The following ZBTB41 variants were observed in gnomAD, a reference collection of about 807,000 sequenced individuals.
ZBTB41 encodes zinc finger and BTB domain-containing protein 41.
A neutral mutation model predicts 87.6 loss-of-function variants in ZBTB41; 42 were observed. The observed-to-expected ratio is 0.48, with a 90% CI of 0.37 to 0.62. The LOEUF (loss-of-function observed/expected upper bound fraction) is 0.62, where lower values mean the gene tolerates loss of function less well. Among genes scored for constraint, ZBTB41 ranks in the 20% least tolerant of loss-of-function variants. The probability of loss-of-function intolerance (pLI) is 0.00; values close to 1 mark genes in which losing one functional copy is unlikely to be tolerated. For synonymous variants in ZBTB41, 364 were observed against 364.0 expected, an observed-to-expected ratio of 1.00 and a Z score of 0.00; for missense variants, 799 against 1,078.9, an observed-to-expected ratio of 0.74 and a Z score of 3.63.
intron 8 of ZBTB41, 142 bp downstream of exon 8, chr1:197,176,422 T>C: frequency 3.5e-6 from 2 of 570,986 alleles, no homozygotes; most frequent in Non-Finnish European, 6.1e-6. Context: ...TTAAAAAATG[T>C]TTTCAGAACC....
In ZBTB41 at chr1:197,200,585, C is replaced by G; in HGVS notation, c.-112G>C. On this transcript the variant is annotated 5_prime_UTR_variant, in exon 2 of 11. It removes an upstream start codon present in the reference 5' UTR. Coordinates refer to ENST00000367405, the MANE Select transcript of ZBTB41 (RefSeq NM_194314.3). ...TCTGAAGGGGCGTGCCCAAGGGTTTCATGGTCTGCAAAAGAGTGAGAACCA... is the reference window on the plus strand; with the variant it reads ...TCTGAAGGGGCGTGCCCAAGGGTTTGATGGTCTGCAAAAGAGTGAGAACCA... The G allele has an allele frequency of 9.4e-7, 1 of 1,064,040 alleles. No individual in the cohort carries two copies. The highest frequency in any genetic ancestry group is 1.6e-5 in the African/African-American group (1 of 63,176). 65.9% of individuals were successfully genotyped at this position (1,064,040 alleles called of 1,614,324 possible).
In ZBTB41 at chr1:197,175,472, A is replaced by G. The variant is rs373243818; in HGVS notation, c.1880-357T>C. Among the ~76,000 whole-genome samples the G allele has an allele frequency of 4.1e-5, 5 of 123,074 alleles. No homozygotes were observed. The East Asian group carries it at 1.0e-3, about 25-fold the overall frequency. The allele number at this position is 123,074 out of a possible 152,430, so 80.7% of individuals were successfully genotyped here. ...TATGTCTGTATATCAAACACCTCAA[A>G]TTGATATACATTAAATTAAGATGAG... is the stretch of plus-strand genomic sequence containing the variant. On this transcript the variant is annotated intron_variant, in intron 8 of 10. Coordinates refer to ENST00000367405, the MANE Select transcript of ZBTB41 (RefSeq NM_194314.3).
intron 5 of ZBTB41, among the ~76,000 whole-genome samples, chr1:197,183,636 C>T (rs780360898): frequency 6.6e-6 from 1 of 152,154 alleles, no homozygotes; most frequent in South Asian, 2.1e-4. Flanking sequence ...TTTAATTTGG[C>T]AGAAATAGTA....
At chr1:197,186,627 C>T (rs1052323618) in intron 5 of ZBTB41, among the ~76,000 whole-genome samples, 1 of 152,100 alleles carries the variant, frequency 6.6e-6, no homozygotes, top group Non-Finnish European at 1.5e-5. Flanking sequence ...TTTGGGAGGC[C>T]GAGGTGGGTG....
rs1379807022 is a variant in ZBTB41, at chr1:197,159,160, C to A, written c.*199G>T. On this transcript the variant is annotated 3_prime_UTR_variant, in exon 11 of 11. Transcript: ENST00000367405. ...TCTTTAAAAATCACAAAAATGTGCA[C>A]TTCAAATATTATGCCAGAAATTTTG... The A allele has an allele frequency of 4.9e-5, 27 of 554,854 alleles. No homozygotes were observed. The Admixed American group carries it at 9.2e-4, about 19-fold the overall frequency. The allele number at this position is 554,854 out of a possible 1,614,324, so 34.4% of individuals were successfully genotyped here.
intron 10 of ZBTB41, among the ~76,000 whole-genome samples, chr1:197,170,633 A>G (rs1345032005): frequency 6.6e-6 from 1 of 152,106 alleles, no homozygotes; most frequent in Non-Finnish European, 1.5e-5. Flanking sequence ...CATGGTGACC[A>G]TTTCTTGCAA....
Position 197,159,944 on chromosome 1 carries a change from C to G in ZBTB41, c.2145G>C (p.Leu715=). ...AAGGTCGGGCATCAGAATGAATAAC[C>G]AGGTGTTTTGTTAATGTTTTCTTAA... is the stretch of plus-strand genomic sequence containing the variant. ...FRIKKTLTKH[L]VIHSDARPFN... is the part of the protein sequence containing the mutation. The change falls in exon 11 of 11, where the codon CTG becomes CTC. Residue 715 remains leucine (L), a synonymous_variant. Coordinates refer to ENST00000367405, the MANE Select transcript of ZBTB41 (RefSeq NM_194314.3). The G allele has an allele frequency of 1.2e-6, 2 of 1,613,690 alleles. No individual in the cohort carries two copies. The highest frequency in any genetic ancestry group is 1.7e-6 in the Non-Finnish European group (2 of 1,179,792).
chr1:197,162,864 G>C (rs1417929942), intron 10 of ZBTB41, among the ~76,000 whole-genome samples: 1 of 152,176 alleles, frequency 6.6e-6, no homozygotes, highest in Non-Finnish European at 1.5e-5. Context: ...ATAAAAGTTG[G>C]AGTTTGGGAC....
At chr1:197,162,222 T>C (rs1659219916) in intron 10 of ZBTB41, among the ~76,000 whole-genome samples, 3 of 152,266 alleles carry the variant, frequency 2.0e-5, no homozygotes, top group East Asian at 1.9e-4. Flanking sequence ...AGCAAACTTA[T>C]AGTGCTTAAA....
intron 10 of ZBTB41, among the ~76,000 whole-genome samples, chr1:197,166,467 T>C (rs1433118462): frequency 6.6e-6 from 1 of 152,086 alleles, no homozygotes; most frequent in Non-Finnish European, 1.5e-5. Flanking sequence ...ATTAACAGAA[T>C]ACCTTTAAAG....
chr1:197,159,782 C>T lies in ZBTB41; in HGVS notation c.2307G>A (p.Glu769=), dbSNP rs779691117. 2.5e-6 allele frequency: 4 copies of T among 1,614,012 alleles called. No homozygotes were observed. In the South Asian group the frequency reaches 4.4e-5, roughly 18 times the overall value. The change falls in exon 11 of 11, where the codon GAG becomes GAA. Residue 769 remains glutamate (E), a synonymous_variant. Coordinates refer to ENST00000367405, the MANE Select transcript of ZBTB41 (RefSeq NM_194314.3). The part of the protein sequence containing the change: ...SEEKLVSLPV[E]YSSDDKIFQT... ...GAAAGATTTTGTCATCAGATGAGTA[C>T]TCAACTGGCAAGGATACAAGTTTTT...
In ZBTB41 at chr1:197,200,429, A is replaced by T. The variant is rs1291846057; in HGVS notation, c.45T>A (p.His15Gln). 6.2e-7 allele frequency: 1 copy of T among 1,606,030 alleles called. No homozygotes were observed. The highest frequency in any genetic ancestry group is 8.5e-7 in the Non-Finnish European group (1 of 1,177,858). Residue 15 changes from histidine (H) to glutamine (Q), a missense_variant, in exon 2 of 11, where the codon CAT becomes CAA. His to Gln is a conservative substitution (Grantham distance 24). Coordinates refer to ENST00000367405, the MANE Select transcript of ZBTB41 (RefSeq NM_194314.3). Reference protein sequence around the residue: ...RKVTSNLEKIHLGYHKDSSEG... With the variant: ...RKVTSNLEKIQLGYHKDSSEG... ...CTGAAGAATCTTTATGATAGCCTAG[A>T]TGGATCTTCTCAAGATTTGAAGTAA...
chr1:197,159,552 G>A lies in ZBTB41; in HGVS notation c.2537C>T (p.Thr846Ile). Residue 846 changes from threonine (T) to isoleucine (I), a missense_variant, in exon 11 of 11, where the codon ACT (threonine) becomes ATT (isoleucine). By Grantham distance (89) the Thr-to-Ile change is moderately conservative. This residue lies in a region of ZBTB41 where 171 missense variants were observed against 191.9 expected (regional missense o/e 0.89). Coordinates refer to ENST00000367405, the MANE Select transcript of ZBTB41 (RefSeq NM_194314.3). Reference sequence around the variant, plus strand: ...TAAATCCGCTGCTCGTGGATAATCAGTTGACTGTGGCTGTGGTGACAGAAT... The same window carrying A: ...TAAATCCGCTGCTCGTGGATAATCAATTGACTGTGGCTGTGGTGACAGAAT... ...HEILSPQPQS[T>I]DYPRAADLAF... The A allele has an allele frequency of 6.2e-7, 1 of 1,613,970 alleles. No individual in the cohort carries two copies. Among genetic ancestry groups the A allele is most frequent in the South Asian group, 1.1e-5 (1 of 91,082 alleles).
rs10572836 is a variant in ZBTB41, at chr1:197,172,105, CTA to C, written c.2074+53_2074+54del. The C allele has an allele frequency of 2.1e-3, 1,453 of 676,354 alleles. 2 individuals are homozygous for C. Among genetic ancestry groups the C allele is most frequent in the South Asian group, 3.2e-3 (70 of 21,540 alleles). 41.9% of individuals were successfully genotyped at this position (676,354 alleles called of 1,614,324 possible). A position where few individuals can be genotyped will look rare whatever the true frequency, so the allele number is the denominator to read the frequency against. On this transcript the variant is annotated intron_variant, in intron 10 of 10. Coordinates refer to ENST00000367405, the MANE Select transcript of ZBTB41 (RefSeq NM_194314.3). ...TGCCTATATTTTACTTCTGATTACA[CTA>C]TATATATCTCTCTCTATATATATAT...
chr1:197,159,559 G>A lies in ZBTB41; in HGVS notation c.2530C>T (p.Gln844Ter). Residue 844 changes from glutamine (Q) to a stop codon, truncating the protein, a stop_gained, in exon 11 of 11, where the codon CAG becomes TAG. Coordinates refer to ENST00000367405, the MANE Select transcript of ZBTB41 (RefSeq NM_194314.3). LOFTEE classifies it high-confidence loss of function. ...SSHEILSPQPQSTDYPRAADL... is the reference protein window; with the variant it reads ...SSHEILSPQP ...GCTGCTCGTGGATAATCAGTTGACT[G>A]TGGCTGTGGTGACAGAATCTCATGA... The A allele has an allele frequency of 6.2e-7, 1 of 1,613,980 alleles. No homozygotes were observed. The highest frequency in any genetic ancestry group is 8.5e-7 in the Non-Finnish European group (1 of 1,179,886).
chr1:197,166,569 A>G (rs1232081417), intron 10 of ZBTB41, among the ~76,000 whole-genome samples: 2 of 152,008 alleles, frequency 1.3e-5, no homozygotes, highest in African/African-American at 4.8e-5. Context: ...AATTAGGCCC[A>G]GCATGGTGGC....
intron 2 of ZBTB41, among the ~76,000 whole-genome samples, chr1:197,195,745 G>C (rs1660147034): frequency 6.6e-6 from 1 of 151,966 alleles, no homozygotes; most frequent in African/African-American, 2.4e-5. Flanking sequence ...CCCTATTTTT[G>C]CCTGTTTATC....
Position 197,177,973 on chromosome 1 carries a change from T to C in ZBTB41, c.1772+444A>G, listed in dbSNP as rs189220846. Among the ~76,000 whole-genome samples, 17 of 152,156 alleles carry C rather than the reference T, an allele frequency of 1.1e-4. No individual in the cohort carries two copies. In the East Asian group the frequency reaches 3.3e-3, roughly 29 times the overall value. The stretch of plus-strand genomic sequence containing the variant: ...AACTTTTCATAAACTGCAAATATGG[T>C]CAAGGATTCAACCACAGAAATAACT... On this transcript the variant is annotated intron_variant, in intron 7 of 10. Transcript: ENST00000367405.
At chr1:197,195,190 T>G (rs1660134719) in intron 2 of ZBTB41, among the ~76,000 whole-genome samples, 1 of 152,232 alleles carries the variant, frequency 6.6e-6, no homozygotes, top group South Asian at 2.1e-4. Flanking sequence ...CACCCAAGCA[T>G]TCCTGATCCT....
Sources: allele counts gnomAD v4.1 joint callset (sites outside exome capture counted in the v4.1 genomes callset), GRCh38; gene constraint gnomAD v4.1.1; regional missense constraint gnomAD v4.1.1; transcripts MANE v1.5; gene names NCBI Gene and HGNC (gene_info 2026-07-23, HGNC 2026-07-21).